The following PALLD variants were observed in gnomAD, a reference collection of about 807,000 sequenced individuals.
The protein encoded by PALLD is palladin.
Under a neutral mutation model 123.5 loss-of-function variants are expected in PALLD, and 61 were observed. That is an observed-to-expected ratio of 0.49 (90% CI 0.40 to 0.61). PALLD has a LOEUF of 0.61. Among genes scored for constraint, PALLD ranks in the 20% least tolerant of loss-of-function variants. The pLI is 0.00. For missense variants in PALLD, 1,273 were observed against 1,377.0 expected (o/e 0.92, Z 1.20); for synonymous variants, 465 against 496.4 (o/e 0.94, Z 0.84).
intron 10 of PALLD, among the ~76,000 whole-genome samples, chr4:168,763,283 T>A (rs955823175): frequency 3.9e-5 from 6 of 152,188 alleles, no homozygotes; most frequent in Non-Finnish European, 7.4e-5. Context: ...TCTATGAAAT[T>A]TAGACCCAAT....
At chr4:168,774,658 G>A (rs1231940947) in intron 10 of PALLD, among the ~76,000 whole-genome samples, 2 of 146,816 alleles carry the variant, frequency 1.4e-5, no homozygotes, top group African/African-American at 5.1e-5. Flanking sequence ...AACCTGGGAG[G>A]TGGAGGTTGC....
chr4:168,591,067 C>T (rs1415572854), intron 2 of PALLD, among the ~76,000 whole-genome samples: 2 of 151,838 alleles, frequency 1.3e-5, no homozygotes, highest in East Asian at 1.9e-4. Context: ...TTAGTAGAGA[C>T]AGAGTTTCGC....
intron 10 of PALLD, among the ~76,000 whole-genome samples, chr4:168,843,370 A>G (rs5007971): frequency 0.7 from 105,494 of 151,510 alleles, 38,420 homozygotes; most frequent in African/African-American, 0.9. Context: ...AGTTTACCTA[A>G]TACTCCTTAA....
chr4:168,498,013 A>C (rs28379519), intron 1 of PALLD, among the ~76,000 whole-genome samples: 14,769 of 152,290 alleles, frequency 0.097, 808 homozygotes, highest in Non-Finnish European at 0.11. Context: ...TAAAACTATT[A>C]CAAATCTATT....
In PALLD at chr4:168,775,762, T is replaced by C. The variant is rs574661585; in HGVS notation, c.1964+63839T>C. The stretch of plus-strand genomic sequence containing the variant: ...TTTTTTATTTGTTTGCATATGCATT[T>C]GATTGTTCCAGCACCATTTGTTGAA... On this transcript the variant is annotated intron_variant, in intron 10 of 21. Coordinates refer to ENST00000505667, the MANE Select transcript of PALLD (RefSeq NM_001166108.2). Among the ~76,000 whole-genome samples the C allele has an allele frequency of 2.0e-5, 3 of 152,340 alleles. No individual in the cohort carries two copies. In the South Asian group the frequency reaches 6.2e-4, roughly 32 times the overall value.
intron 2 of PALLD, among the ~76,000 whole-genome samples, chr4:168,637,133 G>A (rs1776423377): frequency 6.6e-6 from 1 of 152,150 alleles, no homozygotes; most frequent in Admixed American, 6.6e-5. Context: ...AGATAGAAAC[G>A]GCAGAATCCT....
rs141611554 is a variant in PALLD at position 168,795,110 on chromosome 4, C to G, written c.1964+83187C>G. On this transcript the variant is annotated intron_variant, in intron 10 of 21. Transcript: ENST00000505667. ...TCCATGAGAGTTCCACCCTTGTGAC[C>G]TAATCACCTCCCAAAGGTCCCACCT... 3.2e-3 allele frequency among the ~76,000 whole-genome samples: 492 copies of G among 152,224 alleles called. 1 individual carries two copies. Among genetic ancestry groups the G allele is most frequent in the African/African-American group, 0.01 (424 of 41,516 alleles).
At chr4:168,619,800 T>C (rs1561311993) in intron 2 of PALLD, among the ~76,000 whole-genome samples, 1 of 152,184 alleles carries the variant, frequency 6.6e-6, no homozygotes, top group African/African-American at 2.4e-5. Context: ...AAGGACTAAA[T>C]TCATGAGTCT....
intron 2 of PALLD, among the ~76,000 whole-genome samples, chr4:168,607,172 G>C (rs977794065): frequency 9.9e-5 from 15 of 152,172 alleles, no homozygotes; most frequent in African/African-American, 3.6e-4. Context: ...ACAAAGGAGG[G>C]AGTGAAAGGA....
At chr4:168,713,621 G>A (rs189158585) in intron 10 of PALLD, among the ~76,000 whole-genome samples, 28 of 152,298 alleles carry the variant, frequency 1.8e-4, no homozygotes, top group African/African-American at 5.1e-4. Context: ...CCAGGTTAAT[G>A]TATATGGCAA....
intron 10 of PALLD, among the ~76,000 whole-genome samples, chr4:168,741,866 G>A (rs901208359): frequency 6.6e-6 from 1 of 152,178 alleles, no homozygotes. Context: ...TTGGAGAGGT[G>A]GGAGAGCGAA....
chr4:168,886,262 A>C (rs972349223), intron 10 of PALLD, among the ~76,000 whole-genome samples: 3 of 152,184 alleles, frequency 2.0e-5, no homozygotes, highest in African/African-American at 7.2e-5. Flanking sequence ...TTCTAGGCTT[A>C]ACAGGGTTTG....
chr4:168,702,495 A>G (rs1783771353), intron 8 of PALLD, among the ~76,000 whole-genome samples: 1 of 152,218 alleles, frequency 6.6e-6, no homozygotes, highest in South Asian at 2.1e-4. Flanking sequence ...CGGAGGTTGC[A>G]GTGAGCCAAG....
In PALLD at chr4:168,551,689, T is replaced by TA. The variant is rs750115802; in HGVS notation, c.908+39287dup. On this transcript the variant is annotated intron_variant, in intron 2 of 21. Transcript: ENST00000505667. ...CATTTTATAACTTGTTTTTTTAAAT[T>TA]AAAAAAAAAACAAAACAGGCAATGT... 3.1e-3 allele frequency among the ~76,000 whole-genome samples: 459 copies of TA among 146,956 alleles called. 5 individuals are homozygous for TA. Among genetic ancestry groups the TA allele is most frequent in the African/African-American group, 5.6e-3 (226 of 40,076 alleles).
At chr4:168,545,809 A>G (rs754848465) in intron 2 of PALLD, among the ~76,000 whole-genome samples, 17 of 152,186 alleles carry the variant, frequency 1.1e-4, no homozygotes, top group Non-Finnish European at 2.1e-4. Context: ...ATCAATATAT[A>G]ATATCCACTT....
chr4:168,768,496 C>T (rs1256097934), intron 10 of PALLD, among the ~76,000 whole-genome samples: 2 of 152,138 alleles, frequency 1.3e-5, no homozygotes, highest in Admixed American at 6.5e-5. Context: ...CAGGGCAATT[C>T]GTTTCAGAAA....
intron 2 of PALLD, among the ~76,000 whole-genome samples, chr4:168,547,453 G>A (rs1369203746): frequency 6.6e-6 from 1 of 151,290 alleles, no homozygotes; most frequent in African/African-American, 2.4e-5. Context: ...AGGCATGGTG[G>A]CTCATGTCTG....
intron 2 of PALLD, among the ~76,000 whole-genome samples, chr4:168,587,963 A>C (rs1771009801): frequency 6.6e-6 from 1 of 152,108 alleles, no homozygotes; most frequent in South Asian, 2.1e-4. Context: ...TGTCACAAGA[A>C]GGGAGTCTCC....
At chr4:168,777,658 G>A (rs1005834730) in intron 10 of PALLD, among the ~76,000 whole-genome samples, 1 of 152,148 alleles carries the variant, frequency 6.6e-6, no homozygotes, top group African/African-American at 2.4e-5. Context: ...GAGCATACTG[G>A]TTTGTTTTGT....
Sources: gnomAD v4.1 joint callset for allele counts (sites outside exome capture counted in the v4.1 genomes callset) on GRCh38, gnomAD v4.1.1 for gene constraint, MANE v1.5 for transcripts, NCBI Gene and HGNC (gene_info 2026-07-23, HGNC 2026-07-21) for gene names.